Variants in COL5A2 observed in about 807,000 individuals in gnomAD.
COL5A2 encodes collagen type V alpha 2 chain.
Under a neutral mutation model 208.2 loss-of-function variants are expected in COL5A2, and 23 were observed. The ratio of observed to expected loss-of-function variants is 0.11; its 90% CI spans 0.08 to 0.16. The LOEUF (loss-of-function observed/expected upper bound fraction) is 0.16. COL5A2 is among the 10% of genes least tolerant of loss of function. COL5A2 has a pLI of 1.00. For synonymous variants in COL5A2, 625 were observed against 628.5 expected, an observed-to-expected ratio of 0.99 and a Z score of 0.08; for missense variants, 1,590 against 1,956.4, an observed-to-expected ratio of 0.81 and a Z score of 3.53.
At chr2:189,239,203 T>C in the COL5A2 span, among the ~76,000 whole-genome samples, 11 of 152,214 alleles carry the variant, frequency 7.2e-5, no homozygotes, top group East Asian at 2.1e-3. Flanking sequence ...AAAGAGACTC[T>C]GGAACTTTAC....
the COL5A2 span, among the ~76,000 whole-genome samples, chr2:189,394,800 C>T: frequency 3.9e-5 from 6 of 152,064 alleles, no homozygotes; most frequent in Non-Finnish European, 7.4e-5. Context: ...TGAGGTAAAC[C>T]TTGCTGAAAG....
intron 1 of COL5A2, among the ~76,000 whole-genome samples, chr2:189,127,636 GGTT>G (rs1245091354): frequency 6.6e-6 from 1 of 151,964 alleles, no homozygotes; most frequent in Non-Finnish European, 1.5e-5. Flanking sequence ...CCCTTCCCAA[GGTT>G]GTTCTGAGAA....
intron 44 of COL5A2, 53 bp downstream of exon 44, chr2:189,049,294 G>A (rs1452006275): frequency 4.0e-6 from 5 of 1,253,422 alleles, no homozygotes; most frequent in Non-Finnish European, 5.8e-6. Context: ...GAAAAAAATT[G>A]TTTCCATGAC....
chr2:189,058,977 G>C (rs1222157477), intron 31 of COL5A2, 84 bp from the exon 32 acceptor site: 2 of 1,083,998 alleles, frequency 1.8e-6, no homozygotes, highest in African/African-American at 3.1e-5. Context: ...CATACACCTA[G>C]TTTCTATTAA....
chr2:189,278,189 C>CAGAT, the COL5A2 span, among the ~76,000 whole-genome samples: 61 of 152,222 alleles, frequency 4.0e-4, no homozygotes, highest in African/African-American at 1.4e-3. Context: ...TAAGCTGAAC[C>CAGAT]AGATATTCTA....
intron 1 of COL5A2, among the ~76,000 whole-genome samples, chr2:189,203,294 T>A (rs1380336570): frequency 6.6e-6 from 1 of 152,108 alleles, no homozygotes; most frequent in Admixed American, 6.5e-5. Flanking sequence ...ACACCAGAAC[T>A]CTAACTTATA....
chr2:189,244,873 G>T, the COL5A2 span, among the ~76,000 whole-genome samples: 2 of 152,184 alleles, frequency 1.3e-5, no homozygotes, highest in African/African-American at 4.8e-5. Flanking sequence ...AGTTATAAGG[G>T]TTTAATGGAC....
chr2:189,394,007 A>C, the COL5A2 span, among the ~76,000 whole-genome samples: 2 of 152,096 alleles, frequency 1.3e-5, no homozygotes, highest in African/African-American at 2.4e-5. Flanking sequence ...CTTCCATTCA[A>C]CTTTATTCAT....
chr2:189,076,733 G>A (rs1223481981), intron 16 of COL5A2, among the ~76,000 whole-genome samples: 1 of 152,144 alleles, frequency 6.6e-6, no homozygotes, highest in African/African-American at 2.4e-5. Flanking sequence ...CAGGGTCCTG[G>A]ATTGGGAGGA....
chr2:189,179,468 G>A (rs375191184), intron 1 of COL5A2, 40 bp downstream of exon 1: 38 of 1,596,604 alleles, frequency 2.4e-5, no homozygotes, highest in Non-Finnish European at 3.1e-5. Context: ...TTCCCAAACC[G>A]TGCAATAAAC....
chr2:189,087,487 G>A (rs924924633), intron 8 of COL5A2, among the ~76,000 whole-genome samples: 4 of 150,774 alleles, frequency 2.7e-5, no homozygotes, highest in East Asian at 1.9e-4. Flanking sequence ...TTTTTTAGAC[G>A]GAGTCTCCCT....
At chr2:189,361,306 A>G in the COL5A2 span, among the ~76,000 whole-genome samples, 1 of 152,138 alleles carries the variant, frequency 6.6e-6, no homozygotes, top group African/African-American at 2.4e-5. Flanking sequence ...GGGTGCATAT[A>G]TATTTATGAT....
At chr2:189,424,851 A>C in the COL5A2 span, among the ~76,000 whole-genome samples, 1 of 152,310 alleles carries the variant, frequency 6.6e-6, no homozygotes, top group East Asian at 1.9e-4. Flanking sequence ...GATTAGCCAA[A>C]ATCATCTTAA....
chr2:189,067,411 T>G (rs1263358051), intron 21 of COL5A2, among the ~76,000 whole-genome samples: 1 of 152,166 alleles, frequency 6.6e-6, no homozygotes, highest in Non-Finnish European at 1.5e-5. Context: ...TTTATCAGCA[T>G]GACCACATTA....
chr2:189,158,423 CT>C (rs1688297077), intron 1 of COL5A2, among the ~76,000 whole-genome samples: 1 of 151,858 alleles, frequency 6.6e-6, no homozygotes, highest in Non-Finnish European at 1.5e-5. Context: ...CAAGAGGTCC[CT>C]AACATTAAGA....
Position 189,079,992 on chromosome 2 carries a change from C to T in COL5A2, c.946G>A (p.Ala316Thr), listed in dbSNP as rs781749254. The T allele has an allele frequency of 5.6e-6, 9 of 1,612,330 alleles. No individual in the cohort carries two copies. In the African/African-American group the frequency reaches 6.7e-5, roughly 12 times the overall value. The change falls in exon 14 of 54, where the codon GCA becomes ACA. Residue 316 changes from alanine (A) to threonine (T), a missense_variant. By Grantham distance (58) the Ala-to-Thr change is moderately conservative. Transcript: ENST00000374866. ...GLEGPKGEVGAPGSKGEAGPT... is the reference protein window; with the variant it reads ...GLEGPKGEVGTPGSKGEAGPT... Reference sequence around the variant, plus strand: ...TATAAGATTACCTTGGAACCAGGTGCTCCAACTTCACCTTTAGGGCCTTCA... The same window carrying T: ...TATAAGATTACCTTGGAACCAGGTGTTCCAACTTCACCTTTAGGGCCTTCA...
the COL5A2 span, among the ~76,000 whole-genome samples, chr2:189,422,879 C>T: frequency 6.6e-6 from 1 of 151,826 alleles, no homozygotes; most frequent in Non-Finnish European, 1.5e-5. Context: ...AAAAATTAGC[C>T]AGGCATGATG....
chr2:189,187,728 T>C (rs984767500), intron 1 of COL5A2, among the ~76,000 whole-genome samples: 17 of 152,116 alleles, frequency 1.1e-4, no homozygotes, highest in Non-Finnish European at 2.2e-4. Context: ...CCCAGCACTT[T>C]GGGAGGCCGA....
At chr2:189,287,314 T>C in the COL5A2 span, among the ~76,000 whole-genome samples, 7 of 152,120 alleles carry the variant, frequency 4.6e-5, no homozygotes, top group African/African-American at 9.7e-5. Context: ...AAAAGCCTAA[T>C]GAATGACAGA....
Sources: gnomAD v4.1 joint callset for allele counts (sites outside exome capture counted in the v4.1 genomes callset) on GRCh38, gnomAD v4.1.1 for gene constraint, MANE v1.5 for transcripts, NCBI Gene and HGNC (gene_info 2026-07-23, HGNC 2026-07-21) for gene names.